RBMS3: variants seen among roughly 807,000 people sequenced by gnomAD.
RBMS3 encodes RNA binding motif single stranded interacting protein 3.
Under a neutral mutation model 66.8 loss-of-function variants are expected in RBMS3, and 27 were observed. The ratio of observed to expected loss-of-function variants is 0.40; its 90% CI spans 0.30 to 0.56. The LOEUF (loss-of-function observed/expected upper bound fraction) is 0.56, where lower values mean the gene tolerates loss of function less well. Among genes scored for constraint, RBMS3 ranks in the 20% least tolerant of loss-of-function variants. RBMS3 has a pLI of 0.40. For synonymous variants in RBMS3, 188 were observed against 183.0 expected (o/e 1.03, Z -0.22); for missense variants, 513 against 549.5 (o/e 0.93, Z 0.66).
At chr3:29,903,994 C>T (rs908521786) in intron 10 of RBMS3, among the ~76,000 whole-genome samples, 2 of 151,848 alleles carry the variant, frequency 1.3e-5, no homozygotes, top group Admixed American at 1.3e-4. Flanking sequence ...CATTCTTTGC[C>T]CTTAAACATG....
intron 4 of RBMS3, among the ~76,000 whole-genome samples, chr3:29,645,027 G>T (rs1190994011): frequency 6.6e-6 from 1 of 152,048 alleles, no homozygotes; most frequent in East Asian, 1.9e-4. Flanking sequence ...GAATAAAAAT[G>T]GTATAGCAAA....
At chr3:29,805,871 A>T (rs186601119) in intron 6 of RBMS3, among the ~76,000 whole-genome samples, 1 of 152,172 alleles carries the variant, frequency 6.6e-6, no homozygotes, top group Non-Finnish European at 1.5e-5. Flanking sequence ...AGTATACAGT[A>T]GTATACAGTA....
chr3:29,673,098 C>G (rs2051077478), intron 4 of RBMS3, among the ~76,000 whole-genome samples: 1 of 152,216 alleles, frequency 6.6e-6, no homozygotes. Context: ...TTAAGAAACT[C>G]AATACCGCAC....
intron 14 of RBMS3, among the ~76,000 whole-genome samples, chr3:30,002,506 T>C (rs1312106729): frequency 6.6e-6 from 1 of 152,074 alleles, no homozygotes; most frequent in Non-Finnish European, 1.5e-5. Context: ...CTAGAGACAG[T>C]TAAAATATAA....
At chr3:29,299,280 G>A (rs1464448940) in intron 1 of RBMS3, among the ~76,000 whole-genome samples, 1 of 151,876 alleles carries the variant, frequency 6.6e-6, no homozygotes. Flanking sequence ...AGACTTAGAT[G>A]AAACAATGCA....
At chr3:29,515,084 C>T (rs2044570918) in intron 3 of RBMS3, among the ~76,000 whole-genome samples, 1 of 152,084 alleles carries the variant, frequency 6.6e-6, no homozygotes, top group South Asian at 2.1e-4. Flanking sequence ...TGCAGTAGTG[C>T]TGTAAATAAC....
At position 30,005,658 on chromosome 3, in the gene RBMS3, G is replaced by A. The variant is rs1490056514; in HGVS notation, c.*1796G>A. 6.6e-6 allele frequency: 1 copy of A among 151,706 alleles called. No homozygotes were observed. Among genetic ancestry groups the A allele is most frequent in the Non-Finnish European group, 1.5e-5 (1 of 67,806 alleles). 9.4% of individuals were successfully genotyped at this position (151,706 alleles called of 1,614,324 possible). On this transcript the variant is annotated 3_prime_UTR_variant, in exon 15 of 15. Coordinates refer to ENST00000383767, the MANE Select transcript of RBMS3 (RefSeq NM_001003793.3). ...TCACCTACCATGAATAGTCACCTTG[G>A]TTTTGCAAATGGGGAGGGGGTATCA...
rs3773116 is a variant in RBMS3 at position 29,880,105 on chromosome 3, T to G, written c.745-4057T>G. On this transcript the variant is annotated intron_variant, in intron 7 of 14. Transcript: ENST00000383767. ...TCCCCTAATTATTCCAATATACCAT[T>G]GAAAATCTTTTCTTCTAAAATATTT... 3.8e-3 allele frequency among the ~76,000 whole-genome samples: 575 copies of G among 152,310 alleles called. 8 individuals carry two copies. In the East Asian group the frequency reaches 0.052, roughly 14 times the overall value.
intron 3 of RBMS3, among the ~76,000 whole-genome samples, chr3:29,522,948 G>A (rs568835307): frequency 6.1e-4 from 93 of 152,202 alleles, no homozygotes; most frequent in Middle Eastern, 3.4e-3. Context: ...CAGCATTGTC[G>A]GTGTAACAGT....
In RBMS3 at chr3:29,517,315, ATATATTTTTTT is replaced by A. The variant is rs1260953473; in HGVS notation, c.307+28818_307+28828del. Among the ~76,000 whole-genome samples the A allele has an allele frequency of 7.8e-5, 10 of 128,096 alleles. No individual in the cohort carries two copies. In the East Asian group the frequency reaches 1.8e-3, roughly 23 times the overall value. 84.0% of individuals were successfully genotyped at this position (128,096 alleles called of 152,430 possible). On this transcript the variant is annotated intron_variant, in intron 3 of 14. Coordinates refer to ENST00000383767, the MANE Select transcript of RBMS3 (RefSeq NM_001003793.3). ...TGTGTGTGTGTGTGTGTGTATATAT[ATATATTTTTTT>A]TTTGTTTTTTTTTTGAAACAGAGTC... is the stretch of plus-strand genomic sequence containing the variant.
intron 4 of RBMS3, among the ~76,000 whole-genome samples, chr3:29,655,908 G>A (rs905485326): frequency 6.7e-6 from 1 of 149,628 alleles, no homozygotes; most frequent in African/African-American, 2.5e-5. Flanking sequence ...GGATTAATGT[G>A]TGTGTTTGTG....
At chr3:29,735,358 C>A (rs1378038893) in intron 4 of RBMS3, among the ~76,000 whole-genome samples, 2 of 151,966 alleles carry the variant, frequency 1.3e-5, no homozygotes, top group African/African-American at 4.8e-5. Context: ...ATCTGGGCTC[C>A]CATTAACAAT....
At chr3:29,765,838 C>T (rs2055901443) in intron 6 of RBMS3, 1 of 154,144 alleles carries the variant, frequency 6.5e-6, no homozygotes, top group South Asian at 2.1e-4. Context: ...TTCCACGTGG[C>T]TGAGGAGGCC....
chr3:29,583,042 A>G (rs1041607836), intron 3 of RBMS3, among the ~76,000 whole-genome samples: 1 of 152,080 alleles, frequency 6.6e-6, no homozygotes, highest in East Asian at 1.9e-4. Flanking sequence ...CTTGGCTTGG[A>G]ACCATCAATA....
intron 4 of RBMS3, among the ~76,000 whole-genome samples, chr3:29,643,174 C>G (rs2049788574): frequency 6.6e-6 from 1 of 152,106 alleles, no homozygotes; most frequent in Non-Finnish European, 1.5e-5. Context: ...TGACAGTTAT[C>G]TAAAGAGAAC....
chr3:29,754,718 C>A (rs1441993610), intron 5 of RBMS3, among the ~76,000 whole-genome samples: 2 of 152,092 alleles, frequency 1.3e-5, no homozygotes, highest in Admixed American at 6.5e-5. Context: ...AATATACAGT[C>A]CAATTAGCAA....
chr3:29,351,034 A>G (rs576178125), intron 1 of RBMS3, among the ~76,000 whole-genome samples: 2 of 152,252 alleles, frequency 1.3e-5, no homozygotes, highest in Admixed American at 1.3e-4. Context: ...ATATAAAGTT[A>G]TTATAGATAT....
chr3:29,677,689 T>A (rs187976752), intron 4 of RBMS3, among the ~76,000 whole-genome samples: 77 of 152,288 alleles, frequency 5.1e-4, no homozygotes, highest in African/African-American at 1.8e-3. Flanking sequence ...GATTCTGAAA[T>A]TTTTTGTCCT....
chr3:29,353,832 T>C (rs939457903), intron 1 of RBMS3, among the ~76,000 whole-genome samples: 2 of 152,116 alleles, frequency 1.3e-5, no homozygotes, highest in Non-Finnish European at 2.9e-5. Flanking sequence ...TTAACACATA[T>C]GCAGTTTCTT....
Sources: allele counts gnomAD v4.1 joint callset (sites outside exome capture counted in the v4.1 genomes callset), GRCh38; gene constraint gnomAD v4.1.1; transcripts MANE v1.5; gene names NCBI Gene and HGNC (gene_info 2026-07-23, HGNC 2026-07-21).